Variants in FOXP1 observed in about 807,000 individuals in gnomAD.
The protein encoded by FOXP1 is forkhead box P1.
In FOXP1, 15 loss-of-function variants were observed where a neutral mutation model predicts 98.2. The observed-to-expected ratio is 0.15, with a 90% CI of 0.10 to 0.24. FOXP1 has a LOEUF of 0.24. Ranked by LOEUF, FOXP1 falls within the 10% of genes least tolerant of loss-of-function variation. The pLI is 1.00. For synonymous variants in FOXP1, 371 were observed against 314.5 expected, an observed-to-expected ratio of 1.18 and a Z score of -1.90; for missense variants, 633 against 848.5, an observed-to-expected ratio of 0.75 and a Z score of 3.15.
intron 20 of FOXP1, among the ~76,000 whole-genome samples, chr3:70,962,093 T>C (rs2106923734): frequency 6.6e-6 from 1 of 152,342 alleles, no homozygotes; most frequent in Admixed American, 6.5e-5. Flanking sequence ...TTCTTATTTT[T>C]GCCAATCTGT....
intron 3 of FOXP1, among the ~76,000 whole-genome samples, chr3:71,425,345 C>G (rs932330465): frequency 7.9e-5 from 12 of 152,104 alleles, no homozygotes; most frequent in Admixed American, 2.6e-4. Context: ...CAGCTGGTCT[C>G]GAACTCCTGA....
intron 6 of FOXP1, among the ~76,000 whole-genome samples, chr3:71,155,463 T>C (rs921666179): frequency 1.3e-5 from 2 of 152,244 alleles, no homozygotes; most frequent in African/African-American, 2.4e-5. Flanking sequence ...TTACTAAGTC[T>C]TTAAAATCCA....
intron 3 of FOXP1, among the ~76,000 whole-genome samples, chr3:71,416,232 G>C (rs1416282956): frequency 6.6e-6 from 1 of 152,088 alleles, no homozygotes; most frequent in Non-Finnish European, 1.5e-5. Flanking sequence ...GAAAATATAA[G>C]GGAGGCATTA....
intron 2 of FOXP1, among the ~76,000 whole-genome samples, chr3:71,548,982 G>T (rs868292089): frequency 6.6e-6 from 1 of 152,112 alleles, no homozygotes; most frequent in South Asian, 2.1e-4. Flanking sequence ...CATATCCAAG[G>T]TTAATAAGAG....
At chr3:71,513,814 C>A (rs567803774) in intron 2 of FOXP1, among the ~76,000 whole-genome samples, 4 of 152,290 alleles carry the variant, frequency 2.6e-5, no homozygotes, top group Admixed American at 6.5e-5. Flanking sequence ...AACCATAAGA[C>A]CGGGTTTACC....
intron 5 of FOXP1, among the ~76,000 whole-genome samples, chr3:71,278,713 C>T (rs1007077286): frequency 3.3e-5 from 5 of 152,128 alleles, no homozygotes; most frequent in African/African-American, 7.2e-5. Context: ...ACATGGGAGG[C>T]GGAGCTTGCA....
intron 5 of FOXP1, among the ~76,000 whole-genome samples, chr3:71,214,065 C>A (rs1426814449): frequency 6.6e-6 from 1 of 151,432 alleles, no homozygotes; most frequent in Non-Finnish European, 1.5e-5. Flanking sequence ...TGAGAAACAG[C>A]CAGAAGCTGG....
At chr3:71,400,119 G>A (rs1436206188) in intron 3 of FOXP1, among the ~76,000 whole-genome samples, 1 of 151,904 alleles carries the variant, frequency 6.6e-6, no homozygotes, top group Non-Finnish European at 1.5e-5. Context: ...GTTTTCCTGG[G>A]AGGGTTTGGG....
chr3:71,126,488 C>CA (rs1431813775), intron 6 of FOXP1, among the ~76,000 whole-genome samples: 6 of 151,322 alleles, frequency 4.0e-5, no homozygotes, highest in Non-Finnish European at 8.8e-5. Flanking sequence ...GACTCTGTCT[C>CA]AAAAAAATAA....
intron 2 of FOXP1, among the ~76,000 whole-genome samples, chr3:71,549,119 G>T (rs1036824265): frequency 5.3e-5 from 8 of 152,060 alleles, no homozygotes; most frequent in Admixed American, 2.0e-4. Context: ...TTATATATTG[G>T]GTTTTCAAGG....
At chr3:71,341,607 G>A (rs1242697042) in intron 4 of FOXP1, among the ~76,000 whole-genome samples, 1 of 152,226 alleles carries the variant, frequency 6.6e-6, no homozygotes, top group South Asian at 2.1e-4. Context: ...GCTGAAGCAG[G>A]AGAATCACTT....
chr3:71,227,731 T>TAAA (rs1490164255), intron 5 of FOXP1, among the ~76,000 whole-genome samples: 5 of 147,282 alleles, frequency 3.4e-5, no homozygotes, highest in African/African-American at 1.3e-4. Context: ...CTCAATGTTT[T>TAAA]TAAAAAAAAA....
chr3:71,231,975 A>C (rs2066325566), intron 5 of FOXP1, among the ~76,000 whole-genome samples: 1 of 152,250 alleles, frequency 6.6e-6, no homozygotes, highest in Admixed American at 6.5e-5. Context: ...TACCTAAGAA[A>C]GAGTTATACA....
At chr3:71,210,123 C>T (rs2064341833) in intron 5 of FOXP1, among the ~76,000 whole-genome samples, 1 of 152,208 alleles carries the variant, frequency 6.6e-6, no homozygotes, top group Non-Finnish European at 1.5e-5. Context: ...GAATTTTCCA[C>T]TCTGTCTAAA....
intron 3 of FOXP1, among the ~76,000 whole-genome samples, chr3:71,434,116 A>T (rs1373186432): frequency 6.6e-6 from 1 of 152,226 alleles, no homozygotes; most frequent in Non-Finnish European, 1.5e-5. Context: ...AGATGGGAAG[A>T]GATCAAGATT....
chr3:71,582,477 G>A, intron 1 of FOXP1: 1 of 985,430 alleles, frequency 1.0e-6, no homozygotes, highest in Non-Finnish European at 1.2e-6. Flanking sequence ...CAGGGAGCTC[G>A]GGAGGAAGGC....
chr3:71,389,326 T>C (rs974383189), intron 3 of FOXP1, among the ~76,000 whole-genome samples: 17 of 147,412 alleles, frequency 1.2e-4, no homozygotes, highest in Non-Finnish European at 2.2e-4. Context: ...AGGGAGGGTC[T>C]GTGGCTCACA....
chr3:70,977,458 A>G (rs546549886), intron 16 of FOXP1, among the ~76,000 whole-genome samples, 185 bp downstream of exon 16: 1 of 152,200 alleles, frequency 6.6e-6, no homozygotes, highest in Non-Finnish European at 1.5e-5. Context: ...ATTTCCTAAT[A>G]ATCACATCGT....
intron 3 of FOXP1, among the ~76,000 whole-genome samples, chr3:71,492,093 T>C (rs1241832805): frequency 1.3e-5 from 2 of 152,158 alleles, no homozygotes; most frequent in Non-Finnish European, 2.9e-5. Flanking sequence ...TTTAAATAGA[T>C]AATTTCCAGG....
Sources: allele counts gnomAD v4.1 joint callset (sites outside exome capture counted in the v4.1 genomes callset), GRCh38; gene constraint gnomAD v4.1.1; transcripts MANE v1.5; gene names NCBI Gene and HGNC (gene_info 2026-07-23, HGNC 2026-07-21).